Variants in MDM2 observed in about 807,000 individuals in gnomAD.
MDM2 encodes MDM2 proto-oncogene.
A neutral mutation model predicts 64.3 loss-of-function variants in MDM2; 11 were observed. The ratio of observed to expected loss-of-function variants is 0.17; its 90% CI spans 0.11 to 0.28. MDM2 has a LOEUF of 0.28. Ranked by LOEUF, MDM2 falls within the 10% of genes least tolerant of loss-of-function variation. MDM2 has a pLI of 1.00. For synonymous variants in MDM2, 194 were observed against 192.9 expected (o/e 1.01, Z -0.05); for missense variants, 388 against 577.1 (o/e 0.67, Z 3.36).
chr12:68,831,471 G>A (rs1009729948), intron 8 of MDM2, among the ~76,000 whole-genome samples: 5 of 152,094 alleles, frequency 3.3e-5, no homozygotes, highest in East Asian at 1.9e-4. Context: ...TTTTACACAC[G>A]GGGTTATGTG....
chr12:68,813,047 C>T (rs1416087549), intron 2 of MDM2, among the ~76,000 whole-genome samples: 2 of 152,138 alleles, frequency 1.3e-5, no homozygotes, highest in East Asian at 1.9e-4. Context: ...TAAGAGGCAG[C>T]ATGATATAGT....
Position 68,808,463 on chromosome 12 carries a change from G to C in MDM2, c.-15G>C, listed in dbSNP as rs768623393. 1 of 1,613,980 alleles carries C rather than the reference G, an allele frequency of 6.2e-7. No homozygotes were observed. Among genetic ancestry groups the C allele is most frequent in the Non-Finnish European group, 8.5e-7 (1 of 1,180,016 alleles). ...AGTCTTGAGGGACCCCCGACTCCAA[G>C]CGCGAAAACCCCGGATGGTGAGGAG... On this transcript the variant is annotated 5_prime_UTR_variant, in exon 1 of 11. Coordinates refer to ENST00000258149, the MANE Select transcript of MDM2 (RefSeq NM_002392.6).
Position 68,840,642 on chromosome 12 carries a change from AT to A in MDM2, c.*795del, listed in dbSNP as rs1883687823. ...TGGCTCAGCCTCTGGAGCAGCTGGG[AT>A]TACAGGCATGCACCACCATGCCCAG... On this transcript the variant is annotated 3_prime_UTR_variant, in exon 11 of 11. Coordinates refer to ENST00000258149, the MANE Select transcript of MDM2 (RefSeq NM_002392.6). 1 of 172,814 alleles carries A rather than the reference AT, an allele frequency of 5.8e-6. No individual in the cohort carries two copies. Among genetic ancestry groups the A allele is most frequent in the East Asian group, 1.0e-4 (1 of 9,794 alleles). The allele number at this position is 172,814 out of a possible 1,614,324, so 10.7% of individuals were successfully genotyped here.
chr12:68,808,600 C>T, intron 1 of MDM2, 109 bp downstream of exon 1: 2 of 1,515,676 alleles, frequency 1.3e-6, no homozygotes, highest in Non-Finnish European at 9.0e-7. Context: ...CGGTTCGTGG[C>T]TGGGGGCTCG....
rs1883865871 is a variant in MDM2 at position 68,842,543 on chromosome 12, A to G, written c.*2694A>G. ...CATTGCTGTCTACAAAACAGATAATATGGATGTTTGATCGCATCTCATTGT... is the reference window on the plus strand; with the variant it reads ...CATTGCTGTCTACAAAACAGATAATGTGGATGTTTGATCGCATCTCATTGT... On this transcript the variant is annotated 3_prime_UTR_variant, in exon 11 of 11. Coordinates refer to ENST00000258149, the MANE Select transcript of MDM2 (RefSeq NM_002392.6). 2 of 351,646 alleles carry G rather than the reference A, an allele frequency of 5.7e-6. No individual in the cohort carries two copies. The highest frequency in any genetic ancestry group is 1.1e-5 in the Non-Finnish European group (2 of 178,628). 21.8% of individuals were successfully genotyped at this position (351,646 alleles called of 1,614,324 possible).
chr12:68,824,271 G>A, intron 5 of MDM2, 92 bp from the exon 6 acceptor site: 2 of 806,554 alleles, frequency 2.5e-6, no homozygotes. Context: ...ATTGCATAAG[G>A]GTTTGTGTTA....
At chr12:68,824,256 G>T in intron 5 of MDM2, 107 bp from the exon 6 acceptor site, 1 of 693,374 alleles carries the variant, frequency 1.4e-6, no homozygotes, top group Non-Finnish European at 2.4e-6. Flanking sequence ...TTATTGAAAG[G>T]TTAAATTGCA....
intron 8 of MDM2, among the ~76,000 whole-genome samples, chr12:68,834,563 C>T (rs1426634820): frequency 6.6e-6 from 1 of 151,746 alleles, no homozygotes; most frequent in Non-Finnish European, 1.5e-5. Context: ...ATGGTGAAGC[C>T]CTGCCTCTAC....
downstream of MDM2, chr12:68,847,127 T>C (rs1263697168): frequency 7.2e-6 from 1 of 139,396 alleles, no homozygotes; most frequent in African/African-American, 2.8e-5. Flanking sequence ...ATATATATTA[T>C]ATATAATATA....
intron 8 of MDM2, among the ~76,000 whole-genome samples, chr12:68,832,997 G>A (rs1289064440): frequency 6.7e-6 from 1 of 149,150 alleles, no homozygotes; most frequent in African/African-American, 2.5e-5. Flanking sequence ...GTGGTGGCGG[G>A]CACCTATAGT....
chr12:68,815,514 T>G (rs546337000), intron 3 of MDM2: 4 of 167,126 alleles, frequency 2.4e-5, no homozygotes, highest in Non-Finnish European at 5.2e-5. Context: ...TGATCACTGC[T>G]CGCTGCAGCC....
At position 68,808,207 on chromosome 12, in the gene MDM2, G is replaced by T; in HGVS notation, c.-271G>T. On this transcript the variant is annotated 5_prime_UTR_variant, in exon 1 of 11. Coordinates refer to ENST00000258149, the MANE Select transcript of MDM2 (RefSeq NM_002392.6). ...CGCACCGAGGCACCGCGGCGAGCTT[G>T]GCTGCTTCTGGGGCCTGTGTGGCCC... The T allele has an allele frequency of 1.9e-6, 1 of 515,148 alleles. No individual in the cohort carries two copies. The allele number at this position is 515,148 out of a possible 1,614,324, so 31.9% of individuals were successfully genotyped here.
chr12:68,834,267 C>T (rs1343852822), intron 8 of MDM2, among the ~76,000 whole-genome samples: 3 of 152,046 alleles, frequency 2.0e-5, no homozygotes, highest in East Asian at 3.8e-4. Context: ...CATGACGAAA[C>T]CCCGTCTCCA....
intron 7 of MDM2, 31 bp downstream of exon 7, chr12:68,824,682 C>T: frequency 3.0e-6 from 4 of 1,353,034 alleles, no homozygotes; most frequent in Non-Finnish European, 4.2e-6. Flanking sequence ...GACGCATTCA[C>T]ACAGCTTTTT....
At chr12:68,824,238 T>C (rs927990708) in intron 5 of MDM2, 125 bp from the exon 6 acceptor site, 1 of 624,938 alleles carries the variant, frequency 1.6e-6, no homozygotes, top group Admixed American at 3.3e-5. Context: ...AAAATACATG[T>C]TTAATGTTTA....
chr12:68,826,758 T>TA (rs1023520277), intron 7 of MDM2, among the ~76,000 whole-genome samples: 2 of 152,086 alleles, frequency 1.3e-5, no homozygotes, highest in Non-Finnish European at 2.9e-5. Context: ...ATTCAAAGAT[T>TA]TATATGTAGA....
rs1371158088 is a variant in MDM2 at position 68,843,152 on chromosome 12, T to C, written c.*3303T>C. On this transcript the variant is annotated 3_prime_UTR_variant, in exon 11 of 11. Transcript: ENST00000258149. ...GAAAACAATGTATGGGTAGAACATG[T>C]GTCTGTTAATTGCACACAAAACCAC... 1 of 223,888 alleles carries C rather than the reference T, an allele frequency of 4.5e-6. No individual in the cohort carries two copies. Among genetic ancestry groups the C allele is most frequent in the East Asian group, 6.5e-5 (1 of 15,400 alleles). 13.9% of individuals were successfully genotyped at this position (223,888 alleles called of 1,614,324 possible). A position where few individuals can be genotyped will look rare whatever the true frequency, so the allele number is the denominator to read the frequency against.
chr12:68,838,620 C>T (rs149506521), intron 10 of MDM2, among the ~76,000 whole-genome samples: 51 of 152,144 alleles, frequency 3.4e-4, no homozygotes, highest in African/African-American at 8.2e-4. Context: ...AAGTCTTTCT[C>T]GAGGAGGCAG....
At position 68,844,398 on chromosome 12, in the gene MDM2, A is replaced by T. The variant is rs1337319743; in HGVS notation, c.*4549A>T. ...AGCAACTTGAGAGAATGATGTTGCAAGTTAGTAGGAGTAAGAAATGCTGTG... is the reference window on the plus strand; with the variant it reads ...AGCAACTTGAGAGAATGATGTTGCATGTTAGTAGGAGTAAGAAATGCTGTG... On this transcript the variant is annotated 3_prime_UTR_variant, in exon 11 of 11. Transcript: ENST00000258149. 1 of 226,408 alleles carries T rather than the reference A, an allele frequency of 4.4e-6. No individual in the cohort carries two copies. The highest frequency in any genetic ancestry group is 5.7e-5 in the Admixed American group (1 of 17,530). 14.0% of individuals were successfully genotyped at this position (226,408 alleles called of 1,614,324 possible).
Sources: gnomAD v4.1 joint callset for allele counts (sites outside exome capture counted in the v4.1 genomes callset) on GRCh38, gnomAD v4.1.1 for gene constraint, MANE v1.5 for transcripts, NCBI Gene and HGNC (gene_info 2026-07-23, HGNC 2026-07-21) for gene names.